The following CEP295 variants were observed in gnomAD, a reference collection of about 807,000 sequenced individuals.
The protein encoded by CEP295 is centrosomal protein of 295 kDa.
CEP295 carries 190 observed loss-of-function variants against 291.6 expected under a neutral mutation model. The observed-to-expected ratio is 0.65, with a 90% CI of 0.58 to 0.73. The LOEUF is 0.73. CEP295 is among the 30% of genes least tolerant of loss of function. The probability of loss-of-function intolerance (pLI) is 0.00; values close to 1 mark genes in which losing one functional copy is unlikely to be tolerated. For synonymous variants in CEP295, 993 were observed against 1,038.8 expected (o/e 0.96, Z 0.85); for missense variants, 2,863 against 2,949.4 (o/e 0.97, Z 0.68).
At chr11:93,716,178 A>G (rs997693421) in intron 18 of CEP295, among the ~76,000 whole-genome samples, 1 of 152,174 alleles carries the variant, frequency 6.6e-6, no homozygotes, top group Admixed American at 6.5e-5. Context: ...TCCAACTGCT[A>G]GAGTGGATAC....
rs530395939 is a variant in CEP295, at chr11:93,720,473, CAAAAAA to C, written c.5750-827_5750-822del. ...TGGGTGACAGAGCGAGAGTCTGCCT[CAAAAAA>C]AAAAAAAAAAACTGTCTCTAAAAAA... On this transcript the variant is annotated intron_variant, in intron 18 of 29. Coordinates refer to ENST00000325212, the MANE Select transcript of CEP295 (RefSeq NM_033395.2). 2.1e-4 allele frequency among the ~76,000 whole-genome samples: 4 copies of C among 19,448 alleles called. No individual in the cohort carries two copies. In the East Asian group the frequency reaches 8.9e-3, roughly 43 times the overall value. The allele number at this position is 19,448 out of a possible 152,430, so 12.8% of individuals were successfully genotyped here. A position where few individuals can be genotyped will look rare whatever the true frequency, so the allele number is the denominator to read the frequency against.
chr11:93,686,592 T>TA (rs1223885523), intron 9 of CEP295, among the ~76,000 whole-genome samples: 1 of 152,208 alleles, frequency 6.6e-6, no homozygotes, highest in Non-Finnish European at 1.5e-5. Flanking sequence ...GGTTGTGGAC[T>TA]AATGGTAAAT....
Position 93,699,183 on chromosome 11 carries a change from G to A in CEP295, c.4271G>A (p.Ser1424Asn). Reference protein sequence around the residue: ...ERNQEPCSINSDNIVSSGHSE... With the variant: ...ERNQEPCSINNDNIVSSGHSE... ...AACCAAGAACCATGTTCAATTAACAGTGATAATATAGTATCCTCAGGTCAC... is the reference window on the plus strand; with the variant it reads ...AACCAAGAACCATGTTCAATTAACAATGATAATATAGTATCCTCAGGTCAC... The change falls in exon 15 of 30, where the codon AGT (serine) becomes AAT (asparagine). Residue 1424 changes from serine to asparagine, a missense_variant. Transcript: ENST00000325212. 2.6e-6 allele frequency: 4 copies of A among 1,551,904 alleles called. No homozygotes were observed. Among genetic ancestry groups the A allele is most frequent in the South Asian group, 1.2e-5 (1 of 84,052 alleles).
At chr11:93,715,098 G>A (rs991685617) in intron 18 of CEP295, among the ~76,000 whole-genome samples, 1 of 152,124 alleles carries the variant, frequency 6.6e-6, no homozygotes, top group African/African-American at 2.4e-5. Flanking sequence ...AAGTGGCCCC[G>A]GGCAAATCCA....
At chr11:93,729,101 CTTA>C in intron 25 of CEP295, 1 of 494,068 alleles carries the variant, frequency 2.0e-6, no homozygotes, top group Non-Finnish European at 3.6e-6. Context: ...TTTACCTAAA[CTTA>C]TTCCCAGATA....
At chr11:93,664,314 G>A (rs1014977585) in intron 1 of CEP295, among the ~76,000 whole-genome samples, 1 of 152,154 alleles carries the variant, frequency 6.6e-6, no homozygotes, top group Admixed American at 6.5e-5. Flanking sequence ...TTTGTGTGTT[G>A]GAAAGTTAGG....
rs2135125533 is a variant in CEP295 at position 93,699,826 on chromosome 11, T to G, written c.4914T>G (p.Ala1638=). 6.4e-7 allele frequency: 1 copy of G among 1,552,298 alleles called. No individual in the cohort carries two copies. The highest frequency in any genetic ancestry group is 1.7e-4 in the Middle Eastern group (1 of 5,998). Residue 1638 remains alanine, a synonymous_variant, in exon 15 of 30, where the codon GCT becomes GCG. Coordinates refer to ENST00000325212, the MANE Select transcript of CEP295 (RefSeq NM_033395.2). ...GAAAGTTGAACAAAAGTGAATCTGC[T>G]GAGCATACTATCCCCTCTTTGTTTC... ...KQRKLNKSES[A]EHTIPSLFLP...
rs1950652617 is a variant in CEP295 at position 93,675,674 on chromosome 11, A to T, written c.624+8A>T. On this transcript the variant is annotated splice_region_variant and intron_variant, in intron 6 of 29. Coordinates refer to ENST00000325212, the MANE Select transcript of CEP295 (RefSeq NM_033395.2). ...GAGACAGACACAAAACGGGTGATTG[A>T]CTTATTGTTTCTTCATGCCCTCGCT... The T allele has an allele frequency of 1.5e-6, 2 of 1,319,256 alleles. No homozygotes were observed. Among genetic ancestry groups the T allele is most frequent in the Non-Finnish European group, 2.1e-6 (2 of 962,962 alleles). The allele number at this position is 1,319,256 out of a possible 1,614,324, so 81.7% of individuals were successfully genotyped here.
chr11:93,728,849 T>C, intron 25 of CEP295, 28 bp downstream of exon 25: 1 of 1,522,926 alleles, frequency 6.6e-7, no homozygotes, highest in South Asian at 1.2e-5. Context: ...TTCTATTTTA[T>C]TCTATTACAA....
intron 7 of CEP295, among the ~76,000 whole-genome samples, chr11:93,681,898 A>G (rs1352003803): frequency 1.3e-5 from 2 of 150,568 alleles, no homozygotes; most frequent in African/African-American, 4.9e-5. Flanking sequence ...ACCTCTCCTG[A>G]TCATCTGTTT....
intron 10 of CEP295, among the ~76,000 whole-genome samples, chr11:93,690,702 C>T (rs1235223334): frequency 1.5e-5 from 2 of 131,968 alleles, no homozygotes; most frequent in African/African-American, 2.9e-5. Context: ...TGCATTCCAG[C>T]CTGGGCGACA....
intron 11 of CEP295, 36 bp from the exon 12 acceptor site, chr11:93,691,891 T>C (rs1488755385): frequency 2.9e-6 from 4 of 1,403,112 alleles, no homozygotes; most frequent in Non-Finnish European, 2.9e-6. Context: ...AATTCTAAAT[T>C]ATTGAAACTA....
In CEP295 at chr11:93,729,725, A is replaced by T. The variant is rs771438190; in HGVS notation, c.7511A>T (p.Lys2504Ile). Residue 2504 changes from lysine to isoleucine, a missense_variant, in exon 27 of 30, where the codon AAA (lysine) becomes ATA (isoleucine). Around this residue, in one of 3 missense-constraint regions of CEP295, gnomAD observed 2,295 missense variants for 2,335.7 expected, o/e 0.98. Transcript: ENST00000325212. ...SHQRQKEIRN[K>I]IHVSENSQIK... ...CAGAGGCAGAAAGAAATAAGGAATA[A>T]AATTCATGTCTCTGAAAATTCTCAA... The T allele has an allele frequency of 9.4e-5, 145 of 1,549,780 alleles. No individual in the cohort carries two copies. The highest frequency in any genetic ancestry group is 1.7e-4 in the Middle Eastern group (1 of 5,998).
At chr11:93,728,876 GTC>G (rs1353874642) in intron 25 of CEP295, 55 bp downstream of exon 25, 3 of 1,451,996 alleles carry the variant, frequency 2.1e-6, no homozygotes, top group African/African-American at 2.8e-5. Flanking sequence ...CAGTTGATTT[GTC>G]TCTTACAACT....
intron 1 of CEP295, among the ~76,000 whole-genome samples, chr11:93,662,214 A>G (rs1287277550): frequency 1.3e-5 from 2 of 152,216 alleles, no homozygotes; most frequent in African/African-American, 4.8e-5. Flanking sequence ...ACAGTTATTC[A>G]ATCCTGTCAC....
At chr11:93,714,742 C>G (rs1355898640) in intron 18 of CEP295, among the ~76,000 whole-genome samples, 1 of 152,198 alleles carries the variant, frequency 6.6e-6, no homozygotes, top group East Asian at 1.9e-4. Context: ...GAGGTACTGC[C>G]TTGGTGGTCT....
chr11:93,677,684 ATTG>A, intron 6 of CEP295, among the ~76,000 whole-genome samples: 1 of 152,160 alleles, frequency 6.6e-6, no homozygotes, highest in East Asian at 1.9e-4. Context: ...GATTAACTGT[ATTG>A]TTTGTGGTGA....
rs1358998945 is a variant in CEP295, at chr11:93,727,279, C to T, written c.6803C>T (p.Thr2268Ile). Residue 2268 changes from threonine (T) to isoleucine (I), a missense_variant, in exon 24 of 30, where the codon ACA (threonine) becomes ATA (isoleucine). Thr to Ile is a moderately conservative substitution (Grantham distance 89). This residue lies in a region of CEP295 where 2,295 missense variants were observed against 2,335.7 expected (regional missense o/e 0.98). Transcript: ENST00000325212. ...GGTTCTAACTCTAGTGAGTGCTCAACAAAACACCAACTAGAAAGCAGAAAG... is the reference window on the plus strand; with the variant it reads ...GGTTCTAACTCTAGTGAGTGCTCAATAAAACACCAACTAGAAAGCAGAAAG... ...PCGSNSSECS[T>I]KHQLESRKES... is the part of the protein sequence containing the mutation. 5 of 1,551,638 alleles carry T rather than the reference C, an allele frequency of 3.2e-6. No homozygotes were observed. In the South Asian group the frequency reaches 3.6e-5, roughly 11 times the overall value.
At chr11:93,726,954 A>G in intron 23 of CEP295, 22 bp from the exon 24 acceptor site, 2 of 1,470,624 alleles carry the variant, frequency 1.4e-6, no homozygotes, top group Non-Finnish European at 1.8e-6. Context: ...TGATTAACTG[A>G]TTTTTGAATT....
Sources: gnomAD v4.1 joint callset for allele counts (sites outside exome capture counted in the v4.1 genomes callset) on GRCh38, gnomAD v4.1.1 for gene constraint, gnomAD v4.1.1 regional missense constraint, MANE v1.5 for transcripts, NCBI Gene and HGNC (gene_info 2026-07-23, HGNC 2026-07-21) for gene names.